The following LPAR4 variants were observed in gnomAD, a reference collection of about 807,000 sequenced individuals.
LPAR4 encodes the protein lysophosphatidic acid receptor 4.
In LPAR4, 14 loss-of-function variants were observed where a neutral mutation model predicts 9.2. That is an observed-to-expected ratio of 1.51 (90% confidence interval 1.00 to 2.37). The LOEUF is 2.37. Ranked by LOEUF, LPAR4 falls within the 30% of genes most tolerant of loss-of-function variation. The probability of loss-of-function intolerance (pLI) is 0.00; values close to 1 mark genes in which losing one functional copy is unlikely to be tolerated. For synonymous variants in LPAR4, 131 were observed against 97.9 expected, an observed-to-expected ratio of 1.34 and a Z score of -1.99; for missense variants, 251 against 272.1, an observed-to-expected ratio of 0.92 and a Z score of 0.55.
chrX:78,752,083 T>A (rs567759199), intron 4 of LPAR4, among the ~76,000 whole-genome samples: 1 of 111,426 alleles, frequency 9.0e-6, no homozygotes. Flanking sequence ...GTTTCCTGTT[T>A]TCCTCAAATA....
chrX:78,758,711 A>T lies in LPAR4; in HGVS notation c.*2729A>T, dbSNP rs1925406971. Among the ~76,000 whole-genome samples, 1 of 111,897 alleles carries T rather than the reference A, an allele frequency of 8.9e-6. No homozygotes were observed. The highest frequency in any genetic ancestry group is 3.7e-4 in the South Asian group (1 of 2,733). ...ATTAAATGTAATAAAATATATTTGAATTATTTAGCAGTCATACTTTGATCA... is the reference window on the plus strand; with the variant it reads ...ATTAAATGTAATAAAATATATTTGATTTATTTAGCAGTCATACTTTGATCA... On this transcript the variant is annotated 3_prime_UTR_variant, in exon 5 of 5. Transcript: ENST00000614823.
Position 78,755,456 on chromosome X carries a change from T to C in LPAR4, c.587T>C (p.Val196Ala). ...TGCTTTGAAGGCTTCTCCAAACGTG[T>C]CTGGAAGACTTATTTATCCAAGATC... ...TTCFEGFSKR[V>A]WKTYLSKITI... The change falls in exon 5 of 5, where the codon GTC becomes GCC. Residue 196 changes from valine to alanine, a missense_variant. Val to Ala is a moderately conservative substitution (Grantham distance 64). Coordinates refer to ENST00000614823, the MANE Select transcript of LPAR4 (RefSeq NM_001278000.3). 2.5e-6 allele frequency: 3 copies of C among 1,210,072 alleles called. No individual in the cohort carries two copies. Among genetic ancestry groups the C allele is most frequent in the Non-Finnish European group, 1.1e-6 (1 of 894,346 alleles).
In LPAR4 at chrX:78,754,850, G is replaced by C. The variant is rs768179032; in HGVS notation, c.-20G>C. 3 of 1,169,430 alleles carry C rather than the reference G, an allele frequency of 2.6e-6. No individual in the cohort carries two copies. Among genetic ancestry groups the C allele is most frequent in the South Asian group, 2.0e-5 (1 of 49,312 alleles). On this transcript the variant is annotated 5_prime_UTR_variant, in exon 5 of 5. Coordinates refer to ENST00000614823, the MANE Select transcript of LPAR4 (RefSeq NM_001278000.3). Reference sequence around the variant, plus strand: ...AGTGGTGAACCCCTGCAGCCAGCAGGCCTCCTGAAAAAAAAGTCCATGGGT... The same window carrying C: ...AGTGGTGAACCCCTGCAGCCAGCAGCCCTCCTGAAAAAAAAGTCCATGGGT...
chrX:78,749,961 C>T (rs1399378733), intron 1 of LPAR4, among the ~76,000 whole-genome samples: 2 of 111,439 alleles, frequency 1.8e-5, no homozygotes, highest in African/African-American at 6.5e-5. Context: ...CTTGCTCTCA[C>T]AGAGCTCGTG....
chrX:78,753,800 C>T (rs1009584997), intron 4 of LPAR4, among the ~76,000 whole-genome samples: 6 of 111,766 alleles, frequency 5.4e-5, no homozygotes, highest in African/African-American at 9.8e-5. Flanking sequence ...AGAAATAGAA[C>T]TCCTTGCTTC....
At chrX:78,754,755 C>T in intron 4 of LPAR4, 36 bp from the exon 5 acceptor site, 1 of 597,219 alleles carries the variant, frequency 1.7e-6, no homozygotes, top group Non-Finnish European at 2.5e-6. Flanking sequence ...GGATGGAAGG[C>T]AAATTTGATT....
chrX:78,755,047 T>C lies in LPAR4; in HGVS notation c.178T>C (p.Ser60Pro). ...FILGLITNSV[S>P]LFVFCFRMKM... ...CTTGGGTCTGATAACCAACAGTGTCTCTCTGTTTGTCTTCTGTTTCCGCAT... is the reference window on the plus strand; with the variant it reads ...CTTGGGTCTGATAACCAACAGTGTCCCTCTGTTTGTCTTCTGTTTCCGCAT... Residue 60 changes from serine (S) to proline (P), a missense_variant, in exon 5 of 5, where the codon TCT becomes CCT. Physicochemically the swap from Ser to Pro is moderately conservative, Grantham distance 74 (BLOSUM62 -1). Transcript: ENST00000614823. 1 of 1,205,452 alleles carries C rather than the reference T, an allele frequency of 8.3e-7. No individual in the cohort carries two copies. Among genetic ancestry groups the C allele is most frequent in the Non-Finnish European group, 1.1e-6 (1 of 889,732 alleles).
At chrX:78,750,967 A>G (rs1925040255) in intron 3 of LPAR4, among the ~76,000 whole-genome samples, 175 bp downstream of exon 3, 1 of 111,308 alleles carries the variant, frequency 9.0e-6, no homozygotes, top group South Asian at 3.8e-4. Context: ...CTACTAAAAA[A>G]ATATAGCACA....
chrX:78,753,513 G>C (rs1458950369), intron 4 of LPAR4, among the ~76,000 whole-genome samples: 2 of 111,714 alleles, frequency 1.8e-5, no homozygotes, highest in Admixed American at 1.9e-4. Context: ...TGAGGCACAA[G>C]GTATACATGA....
Position 78,757,502 on chromosome X carries a change from C to G in LPAR4, c.*1520C>G, listed in dbSNP as rs1487093085. Among the ~76,000 whole-genome samples the G allele has an allele frequency of 1.8e-5, 2 of 111,648 alleles. No individual in the cohort carries two copies. The highest frequency in any genetic ancestry group is 1.9e-4 in the Admixed American group (2 of 10,519). ...GGAATTAAAAACAGTATTTTAAAAT[C>G]TACAAAAAAAGAGAAAATTTTTTTA... On this transcript the variant is annotated 3_prime_UTR_variant, in exon 5 of 5. Coordinates refer to ENST00000614823, the MANE Select transcript of LPAR4 (RefSeq NM_001278000.3).
At position 78,754,987 on chromosome X, in the gene LPAR4, A is replaced by G. The variant is rs1389321314; in HGVS notation, c.118A>G (p.Asn40Asp). 8.3e-7 allele frequency: 1 copy of G among 1,210,042 alleles called. No homozygotes were observed. The highest frequency in any genetic ancestry group is 1.1e-6 in the Non-Finnish European group (1 of 893,973). Residue 40 changes from asparagine to aspartate, a missense_variant, in exon 5 of 5, where the codon AAT (asparagine) becomes GAT (aspartate). By Grantham distance (23) the Asn-to-Asp change is conservative. Transcript: ENST00000614823. ...TCIVDDSFKY[N>D]LNGAVYSVVF... Reference sequence around the variant, plus strand: ...CATTGTTGATGATTCCTTCAAGTATAATCTCAATGGTGCTGTCTACAGTGT... The same window carrying G: ...CATTGTTGATGATTCCTTCAAGTATGATCTCAATGGTGCTGTCTACAGTGT...
intron 4 of LPAR4, 47 bp from the exon 5 acceptor site, chrX:78,754,744 T>G (rs1925208703): frequency 9.5e-6 from 5 of 527,423 alleles, no homozygotes; most frequent in Non-Finnish European, 1.5e-5. Flanking sequence ...ACAGAAATCA[T>G]GGATGGAAGG....
rs1336050984 is a variant in LPAR4, at chrX:78,757,734, C to T, written c.*1752C>T. On this transcript the variant is annotated 3_prime_UTR_variant, in exon 5 of 5. Transcript: ENST00000614823. ...CAAAAACCAAAATTAAATGTTAAAC[C>T]CTGAAAAACAACAAAAATATTTTAA... Among the ~76,000 whole-genome samples the T allele has an allele frequency of 1.8e-5, 2 of 111,035 alleles. No homozygotes were observed. The highest frequency in any genetic ancestry group is 6.5e-5 in the African/African-American group (2 of 30,615).
rs1442843471 is a variant in LPAR4, at chrX:78,756,295, T to G, written c.*313T>G. 2.6e-5 allele frequency: 5 copies of G among 193,233 alleles called. No individual in the cohort carries two copies. The highest frequency in any genetic ancestry group is 5.0e-5 in the Non-Finnish European group (5 of 99,357). 15.9% of individuals were successfully genotyped at this position (193,233 alleles called of 1,213,427 possible). ...TGAAACTTTCAAAAAGGTATTTCTATTCCAATGATATTTGGTAATTAGGTT... is the reference window on the plus strand; with the variant it reads ...TGAAACTTTCAAAAAGGTATTTCTAGTCCAATGATATTTGGTAATTAGGTT... On this transcript the variant is annotated 3_prime_UTR_variant, in exon 5 of 5. Coordinates refer to ENST00000614823, the MANE Select transcript of LPAR4 (RefSeq NM_001278000.3).
chrX:78,749,969 G>A (rs5959185), intron 1 of LPAR4, among the ~76,000 whole-genome samples: 3,372 of 111,381 alleles, frequency 0.03, 140 homozygotes, highest in African/African-American at 0.1. Context: ...CACAGAGCTC[G>A]TGATGGGGCT....
chrX:78,757,160 A>C lies in LPAR4; in HGVS notation c.*1178A>C, dbSNP rs1049938343. The C allele has an allele frequency of 8.3e-6, 1 of 121,020 alleles. No individual in the cohort carries two copies. The highest frequency in any genetic ancestry group is 1.9e-5 in the Non-Finnish European group (1 of 52,874). 10.0% of individuals were successfully genotyped at this position (121,020 alleles called of 1,213,427 possible). On this transcript the variant is annotated 3_prime_UTR_variant, in exon 5 of 5. Coordinates refer to ENST00000614823, the MANE Select transcript of LPAR4 (RefSeq NM_001278000.3). ...CCCCAAGAAAAATAAAAATAAAAAA[A>C]CCTCAACAATAATTTGTAACACTTT...
rs978505891 is a variant in LPAR4 at position 78,750,751 on chromosome X, T to C, written c.-223T>C. The C allele has an allele frequency of 9.1e-6, 1 of 109,614 alleles. No individual in the cohort carries two copies. Among genetic ancestry groups the C allele is most frequent in the African/African-American group, 3.3e-5 (1 of 30,059 alleles). 9.0% of individuals were successfully genotyped at this position (109,614 alleles called of 1,213,427 possible). On this transcript the variant is annotated 5_prime_UTR_variant, in exon 3 of 5. Transcript: ENST00000614823. ...TAAGGACCCTGCCCAATGGTAACAG[T>C]TGTTGCCAAGAAAAGAAAAAAAGAA... is the stretch of plus-strand genomic sequence containing the variant.
rs145505835 is a variant in LPAR4 at position 78,753,705 on chromosome X, C to T, written c.-79-1086C>T. Among the ~76,000 whole-genome samples, 97 of 112,386 alleles carry T rather than the reference C, an allele frequency of 8.6e-4. 1 individual carries two copies. The East Asian group carries it at 0.021, about 24-fold the overall frequency. On this transcript the variant is annotated intron_variant, in intron 4 of 4. Coordinates refer to ENST00000614823, the MANE Select transcript of LPAR4 (RefSeq NM_001278000.3). ...CACAAGCCCTATTGAATCTTCCTAG[C>T]TTTAGCTGTGAGGCTTAGAGGTAAA... is the stretch of plus-strand genomic sequence containing the variant.
rs1364846158 is a variant in LPAR4, at chrX:78,754,810, G to A, written c.-60G>A. ...TCATAGGAGGAAAATATTTCCTACC[G>A]GTCCATAGTGTCAGAGTGGTGAACC... On this transcript the variant is annotated 5_prime_UTR_variant, in exon 5 of 5. Coordinates refer to ENST00000614823, the MANE Select transcript of LPAR4 (RefSeq NM_001278000.3). The A allele has an allele frequency of 4.9e-5, 49 of 997,388 alleles. No homozygotes were observed. Among genetic ancestry groups the A allele is most frequent in the Non-Finnish European group, 5.9e-5 (44 of 739,552 alleles). The allele number at this position is 997,388 out of a possible 1,213,427, so 82.2% of individuals were successfully genotyped here.
Sources: gnomAD v4.1 joint callset for allele counts (sites outside exome capture counted in the v4.1 genomes callset) on GRCh38, gnomAD v4.1.1 for gene constraint, MANE v1.5 for transcripts, NCBI Gene and HGNC (gene_info 2026-07-23, HGNC 2026-07-21) for gene names.